Variants in RPTOR observed in about 807,000 individuals in gnomAD.
The protein encoded by RPTOR is regulatory-associated protein of mTOR.
In RPTOR, 21 loss-of-function variants were observed where a neutral mutation model predicts 169.9. The observed-to-expected ratio is 0.12, with a 90% confidence interval of 0.09 to 0.18. The LOEUF (loss-of-function observed/expected upper bound fraction) is 0.18. Ranked by LOEUF, RPTOR falls within the 10% of genes least tolerant of loss-of-function variation. RPTOR has a pLI of 1.00. For missense variants in RPTOR, 1,133 were observed against 1,855.9 expected (o/e 0.61, Z 7.16); for synonymous variants, 732 against 753.2 (o/e 0.97, Z 0.46).
At chr17:80,847,697 C>T (rs1051333133) in intron 11 of RPTOR, among the ~76,000 whole-genome samples, 4 of 152,190 alleles carry the variant, frequency 2.6e-5, no homozygotes, top group African/African-American at 7.2e-5. Context: ...TTCTGAGAGT[C>T]GGCAGAGTTG....
chr17:80,919,490 G>A (rs1416822673), intron 21 of RPTOR, among the ~76,000 whole-genome samples: 1 of 152,226 alleles, frequency 6.6e-6, no homozygotes, highest in Admixed American at 6.5e-5. Context: ...CCCTGACTGT[G>A]TCAAGATCCA....
At chr17:80,575,064 G>A (rs1391158108) in intron 1 of RPTOR, among the ~76,000 whole-genome samples, 2 of 151,992 alleles carry the variant, frequency 1.3e-5, no homozygotes, top group African/African-American at 2.4e-5. Flanking sequence ...TTCTTGAGAT[G>A]AGTACTTACC....
intron 11 of RPTOR, among the ~76,000 whole-genome samples, chr17:80,851,103 A>AT (rs1287675025): frequency 1.3e-5 from 2 of 151,940 alleles, no homozygotes; most frequent in Admixed American, 1.3e-4. Context: ...TCATTTTTGT[A>AT]TTTTTTGTAG....
chr17:80,937,570 G>C (rs952243356), intron 24 of RPTOR, among the ~76,000 whole-genome samples: 5 of 152,234 alleles, frequency 3.3e-5, no homozygotes, highest in African/African-American at 1.2e-4. Context: ...AGAGGTACAG[G>C]AGTGTCAAGA....
intron 3 of RPTOR, among the ~76,000 whole-genome samples, chr17:80,697,122 G>A (rs1170021323): frequency 6.6e-6 from 1 of 152,148 alleles, no homozygotes; most frequent in African/African-American, 2.4e-5. Context: ...AGTGAGCAAG[G>A]TGAGGGGTTT....
At chr17:80,929,874 G>C (rs1241674818) in intron 24 of RPTOR, among the ~76,000 whole-genome samples, 1 of 152,144 alleles carries the variant, frequency 6.6e-6, no homozygotes. Flanking sequence ...GACTTTTTCT[G>C]TTTTGTTTTG....
At chr17:80,616,823 G>A (rs757401586) in intron 1 of RPTOR, among the ~76,000 whole-genome samples, 2 of 151,918 alleles carry the variant, frequency 1.3e-5, no homozygotes, top group Admixed American at 6.6e-5. Context: ...TTATTTGTTG[G>A]TTTTTAAGGA....
intron 4 of RPTOR, among the ~76,000 whole-genome samples, chr17:80,709,447 TGCTGATAC>T (rs1220231056): frequency 6.6e-6 from 1 of 152,184 alleles, no homozygotes; most frequent in African/African-American, 2.4e-5. Context: ...GGGAGATCGC[TGCTGATAC>T]GCTGGGCGGA....
chr17:80,690,409 T>C (rs2065981336), intron 3 of RPTOR, among the ~76,000 whole-genome samples: 1 of 152,226 alleles, frequency 6.6e-6, no homozygotes, highest in Admixed American at 6.5e-5. Context: ...AGTTACTTCA[T>C]CTATTCTGTT....
intron 28 of RPTOR, 45 bp downstream of exon 28, chr17:80,949,592 G>T (rs776394043): frequency 6.6e-7 from 1 of 1,511,402 alleles, no homozygotes; most frequent in Non-Finnish European, 9.2e-7. Flanking sequence ...TGTTCCCGGG[G>T]CTGCGGACGC....
At chr17:80,855,571 G>A (rs2067842593) in intron 12 of RPTOR, 24 bp downstream of exon 12, 2 of 1,541,172 alleles carry the variant, frequency 1.3e-6, no homozygotes, top group East Asian at 2.2e-5. Flanking sequence ...GCATTAACCT[G>A]GGGGCTGAGG....
rs1053829188 is a variant in RPTOR, at chr17:80,745,028, C to T, written c.655-8982C>T. On this transcript the variant is annotated intron_variant, in intron 5 of 33. Coordinates refer to ENST00000306801, the MANE Select transcript of RPTOR (RefSeq NM_020761.3). ...GCACAGTCCTGGCTACTAGACACCT[C>T]TGCTAGAGACTGCCCAAAGAATATG... is the stretch of plus-strand genomic sequence containing the variant. Among the ~76,000 whole-genome samples, 7 of 152,372 alleles carry T rather than the reference C, an allele frequency of 4.6e-5. No individual in the cohort carries two copies. The South Asian group carries it at 1.2e-3, about 27-fold the overall frequency.
intron 3 of RPTOR, among the ~76,000 whole-genome samples, chr17:80,704,125 A>G (rs1035409373): frequency 2.2e-4 from 33 of 152,160 alleles, no homozygotes; most frequent in African/African-American, 5.8e-4. Flanking sequence ...CGTGTCCGCC[A>G]TTCTTTCTAC....
At chr17:80,582,590 G>A (rs1333749634) in intron 1 of RPTOR, among the ~76,000 whole-genome samples, 4 of 141,484 alleles carry the variant, frequency 2.8e-5, no homozygotes, top group African/African-American at 5.2e-5. Context: ...CTGTTGCCCA[G>A]GCTGGAGTGC....
At position 80,609,446 on chromosome 17, in the gene RPTOR, GTATAA is replaced by G. The variant is rs1177581617; in HGVS notation, c.163-16244_163-16240del. On this transcript the variant is annotated intron_variant, in intron 1 of 33. Coordinates refer to ENST00000306801, the MANE Select transcript of RPTOR (RefSeq NM_020761.3). This position sits in a 1 kb window ranked among gnomAD's most constrained non-coding sequence, Gnocchi z 4.8. ...ACAATGTTGATACGTCTTGAGATGT[GTATAA>G]ATCATTTGATTTGGCTGGGCAGGGT... 6.6e-6 allele frequency among the ~76,000 whole-genome samples: 1 copy of G among 152,138 alleles called. No homozygotes were observed. Among genetic ancestry groups the G allele is most frequent in the Non-Finnish European group, 1.5e-5 (1 of 68,032 alleles).
intron 29 of RPTOR, among the ~76,000 whole-genome samples, chr17:80,958,223 T>C (rs1375410302): frequency 1.6e-5 from 2 of 125,190 alleles, no homozygotes; most frequent in Non-Finnish European, 3.3e-5. Context: ...ACCAAGTAGC[T>C]GGGACTACAG....
intron 13 of RPTOR, among the ~76,000 whole-genome samples, chr17:80,864,508 AAG>A (rs1491398308): frequency 6.6e-6 from 1 of 152,240 alleles, no homozygotes; most frequent in African/African-American, 2.4e-5. Context: ...GAGACAGAGA[AAG>A]AGAAAAAACT....
intron 1 of RPTOR, among the ~76,000 whole-genome samples, chr17:80,546,632 C>G (rs2084278220): frequency 6.6e-6 from 1 of 152,134 alleles, no homozygotes; most frequent in African/African-American, 2.4e-5. Flanking sequence ...CTCCAGGCTG[C>G]TTTTATTTGC....
rs1176944801 is a variant in RPTOR at position 80,785,338 on chromosome 17, A to C, written c.831-6112A>C. 8.0e-3 allele frequency among the ~76,000 whole-genome samples: 1,224 copies of C among 152,360 alleles called. 19 individuals are homozygous for C. Among genetic ancestry groups the C allele is most frequent in the African/African-American group, 0.028 (1,180 of 41,586 alleles). On this transcript the variant is annotated intron_variant, in intron 6 of 33. Transcript: ENST00000306801. ...ATAAAATATAGTGATGAATCTCTAA[A>C]TGTAAAACATTTTATTTGGGAAGCA...
Sources: gnomAD v4.1 joint callset for allele counts (sites outside exome capture counted in the v4.1 genomes callset) on GRCh38, gnomAD v4.1.1 for gene constraint, Gnocchi (gnomAD v3.1) non-coding constraint, MANE v1.5 for transcripts, NCBI Gene and HGNC (gene_info 2026-07-23, HGNC 2026-07-21) for gene names.